The following PTPRT variants were observed in gnomAD, a reference collection of about 807,000 sequenced individuals.
PTPRT encodes the protein receptor-type tyrosine-protein phosphatase T.
In PTPRT, 56 loss-of-function variants were observed where a neutral mutation model predicts 176.8. That is an observed-to-expected ratio of 0.32 (90% CI 0.26 to 0.40). The LOEUF is 0.40. PTPRT is among the 10% of genes least tolerant of loss of function. The pLI, the probability that PTPRT is intolerant of heterozygous loss-of-function variation, is 1.00. For missense variants in PTPRT, 1,540 were observed against 1,908.2 expected (o/e 0.81, Z 3.60); for synonymous variants, 783 against 739.0 (o/e 1.06, Z -0.96).
intron 1 of PTPRT, among the ~76,000 whole-genome samples, chr20:42,897,884 G>A (rs1339094414): frequency 5.9e-5 from 9 of 152,194 alleles, no homozygotes; most frequent in South Asian, 2.1e-4. Flanking sequence ...TACCTGGCAC[G>A]TAGTCAGTGC....
At chr20:42,723,363 G>A (rs1274699809) in intron 6 of PTPRT, among the ~76,000 whole-genome samples, 2 of 152,158 alleles carry the variant, frequency 1.3e-5, no homozygotes, top group Non-Finnish European at 2.9e-5. Flanking sequence ...AGGTCAACCA[G>A]GGGCCGGATG....
chr20:42,585,633 C>T (rs2073458017), intron 7 of PTPRT, among the ~76,000 whole-genome samples: 1 of 152,016 alleles, frequency 6.6e-6, no homozygotes, highest in East Asian at 1.9e-4. Flanking sequence ...TACAGCAATC[C>T]TATAAGGTAG....
chr20:42,577,837 CTGTGTGTGTGTGTGTGTG>C (rs11468271), intron 7 of PTPRT, among the ~76,000 whole-genome samples: 2 of 139,348 alleles, frequency 1.4e-5, no homozygotes, highest in Non-Finnish European at 3.1e-5. Context: ...CTGAGCAAGG[CTGTGTGTGTGTGTGTGTG>C]TGTGTGTGTG....
At chr20:42,644,257 C>T (rs1179831445) in intron 7 of PTPRT, among the ~76,000 whole-genome samples, 3 of 152,108 alleles carry the variant, frequency 2.0e-5, no homozygotes, top group African/African-American at 2.4e-5. Context: ...TCCAGACTCA[C>T]CTTTTCTAAT....
chr20:42,247,938 C>T (rs1445862941), intron 14 of PTPRT, among the ~76,000 whole-genome samples: 1 of 152,158 alleles, frequency 6.6e-6, no homozygotes, highest in Non-Finnish European at 1.5e-5. Context: ...TTGTGTTATC[C>T]TCAAGCCTTG....
At chr20:42,778,946 GAGCCCAGT>G (rs1171811470) in intron 4 of PTPRT, among the ~76,000 whole-genome samples, 1 of 152,150 alleles carries the variant, frequency 6.6e-6, no homozygotes, top group Non-Finnish European at 1.5e-5. Context: ...GTGCAAAGAA[GAGCCCAGT>G]AGCATCTCAG....
chr20:42,233,277 C>T (rs1420889078), intron 15 of PTPRT, among the ~76,000 whole-genome samples: 1 of 152,152 alleles, frequency 6.6e-6, no homozygotes, highest in Non-Finnish European at 1.5e-5. Flanking sequence ...TGCTTGGGAG[C>T]TCCACCAGCA....
intron 1 of PTPRT, among the ~76,000 whole-genome samples, chr20:43,104,570 T>C (rs1275475795): frequency 6.6e-6 from 1 of 152,166 alleles, no homozygotes; most frequent in Non-Finnish European, 1.5e-5. Flanking sequence ...TGAGACATAT[T>C]AAAATGCTTA....
At chr20:42,527,813 C>A (rs955269025) in intron 7 of PTPRT, among the ~76,000 whole-genome samples, 1 of 152,174 alleles carries the variant, frequency 6.6e-6, no homozygotes, top group Non-Finnish European at 1.5e-5. Flanking sequence ...ATTTGGCAAC[C>A]AAGACCAGCT....
At chr20:42,169,352 G>A (rs1347624316) in intron 16 of PTPRT, among the ~76,000 whole-genome samples, 1 of 152,048 alleles carries the variant, frequency 6.6e-6, no homozygotes, top group African/African-American at 2.4e-5. Context: ...CTGCTTGTGG[G>A]GGAGAGTATG....
intron 7 of PTPRT, among the ~76,000 whole-genome samples, chr20:42,519,833 A>T (rs1053551767): frequency 2.6e-5 from 4 of 152,118 alleles, no homozygotes; most frequent in Non-Finnish European, 5.9e-5. Context: ...TGGTTTACAA[A>T]TTACTGAGAT....
In PTPRT at chr20:42,437,700, C is replaced by T. The variant is rs77991910; in HGVS notation, c.1560+10520G>A. On this transcript the variant is annotated intron_variant, in intron 9 of 30. Coordinates refer to ENST00000373187, the MANE Select transcript of PTPRT (RefSeq NM_007050.6). ...AGTCAAAAGAAAAAATGCCCATTGA[C>T]TTAAGGTGAGGGGAGAAAAACCACC... Among the ~76,000 whole-genome samples, 1,450 of 152,206 alleles carry T rather than the reference C, an allele frequency of 9.5e-3. 13 individuals are homozygous for T. Among genetic ancestry groups the T allele is most frequent in the Non-Finnish European group, 0.015 (1,036 of 68,010 alleles).
chr20:42,169,360 A>G (rs1400637757), intron 16 of PTPRT, among the ~76,000 whole-genome samples: 2 of 152,124 alleles, frequency 1.3e-5, no homozygotes, highest in African/African-American at 4.8e-5. Context: ...GGGGGAGAGT[A>G]TGAATTCCTT....
chr20:42,577,955 G>C (rs1843729114), intron 7 of PTPRT, among the ~76,000 whole-genome samples: 1 of 149,194 alleles, frequency 6.7e-6, no homozygotes, highest in Non-Finnish European at 1.5e-5. Flanking sequence ...GTGTGTGTGT[G>C]TGTGTGTGTG....
At chr20:43,166,367 C>T (rs2014859955) in intron 1 of PTPRT, among the ~76,000 whole-genome samples, 1 of 150,228 alleles carries the variant, frequency 6.7e-6, no homozygotes, top group Admixed American at 6.6e-5. Context: ...GTAGATTTCT[C>T]TCTGTATTTG....
At chr20:42,493,907 C>T (rs973781552) in intron 7 of PTPRT, among the ~76,000 whole-genome samples, 1 of 151,496 alleles carries the variant, frequency 6.6e-6, no homozygotes, top group Admixed American at 6.6e-5. Context: ...TCTTCCTCTT[C>T]ATACCCCTCC....
chr20:42,836,739 G>T (rs1331126800), intron 2 of PTPRT, among the ~76,000 whole-genome samples: 2 of 152,154 alleles, frequency 1.3e-5, no homozygotes, highest in Non-Finnish European at 2.9e-5. Flanking sequence ...CATAAAACTG[G>T]AACAACAAGG....
At chr20:43,083,294 T>C (rs535517188) in intron 1 of PTPRT, among the ~76,000 whole-genome samples, 2 of 125,716 alleles carry the variant, frequency 1.6e-5, no homozygotes, top group South Asian at 5.6e-4. Flanking sequence ...ATAATTTATA[T>C]ACCATAAGAT....
At chr20:42,623,410 A>C (rs2145864819) in intron 7 of PTPRT, among the ~76,000 whole-genome samples, 1 of 152,278 alleles carries the variant, frequency 6.6e-6, no homozygotes, top group Middle Eastern at 3.4e-3. Context: ...CTGAACAGAG[A>C]GGCATACCCC....
Sources: allele counts gnomAD v4.1 joint callset (sites outside exome capture counted in the v4.1 genomes callset), GRCh38; gene constraint gnomAD v4.1.1; transcripts MANE v1.5; gene names NCBI Gene and HGNC (gene_info 2026-07-23, HGNC 2026-07-21).